The following NFKB1 variants were observed in gnomAD, a reference collection of about 807,000 sequenced individuals.
The protein encoded by NFKB1 is nuclear factor NF-kappa-B p105 subunit.
In NFKB1, 9 loss-of-function variants were observed where a neutral mutation model predicts 105.1. The ratio of observed to expected loss-of-function variants is 0.09; its 90% CI spans 0.05 to 0.15. The LOEUF is 0.15. NFKB1 is among the 10% of genes least tolerant of loss of function. The probability of loss-of-function intolerance (pLI) is 1.00; values close to 1 mark genes in which losing one functional copy is unlikely to be tolerated. For synonymous variants in NFKB1, 440 were observed against 442.2 expected (o/e 1.00, Z 0.06); for missense variants, 830 against 1,203.7 (o/e 0.69, Z 4.59).
rs1334440245 is a variant in NFKB1 at position 102,607,035 on chromosome 4, G to A, written c.1955-115G>A. On this transcript the variant is annotated intron_variant, in intron 17 of 23. Coordinates refer to ENST00000226574, the MANE Select transcript of NFKB1 (RefSeq NM_003998.4). ...TTCAAAGCAGAACAATAGACTTATA[G>A]TATCTTTACTGTCCCTCCCCATGAT... 6.0e-6 allele frequency: 6 copies of A among 1,003,036 alleles called. No homozygotes were observed. The African/African-American group carries it at 9.5e-5, about 16-fold the overall frequency. The allele number at this position is 1,003,036 out of a possible 1,614,324, so 62.1% of individuals were successfully genotyped here.
intron 1 of NFKB1, among the ~76,000 whole-genome samples, chr4:102,524,889 A>G (rs1409027992): frequency 6.6e-6 from 1 of 152,232 alleles, no homozygotes; most frequent in East Asian, 1.9e-4. Flanking sequence ...GATGGGGAGC[A>G]GCTGTATATA....
chr4:102,540,504 G>A (rs988915300), intron 5 of NFKB1, among the ~76,000 whole-genome samples: 2 of 152,130 alleles, frequency 1.3e-5, no homozygotes, highest in African/African-American at 4.8e-5. Flanking sequence ...AATAAAGCAG[G>A]TTCAACTACA....
At chr4:102,532,867 A>G (rs916118104) in intron 3 of NFKB1, among the ~76,000 whole-genome samples, 1 of 152,160 alleles carries the variant, frequency 6.6e-6, no homozygotes, top group African/African-American at 2.4e-5. Context: ...ATTTATTGCA[A>G]AGCTATGGAT....
intron 16 of NFKB1, among the ~76,000 whole-genome samples, chr4:102,603,543 C>T (rs563112320): frequency 6.6e-6 from 1 of 152,240 alleles, no homozygotes; most frequent in East Asian, 1.9e-4. Context: ...TTTCCCCTAC[C>T]TTACCACCAG....
At chr4:102,596,359 G>A (rs749247097) in intron 14 of NFKB1, 27 bp downstream of exon 14, 2 of 1,568,894 alleles carry the variant, frequency 1.3e-6, no homozygotes, top group Non-Finnish European at 1.7e-6. Context: ...ATTACGTTCT[G>A]TTGGTTGGCT....
chr4:102,591,107 G>A (rs780969999), intron 11 of NFKB1, among the ~76,000 whole-genome samples: 1 of 152,204 alleles, frequency 6.6e-6, no homozygotes, highest in Non-Finnish European at 1.5e-5. Context: ...AGTGCAAGGT[G>A]AAGCAACAAA....
chr4:102,508,810 T>C (rs1724480786), intron 1 of NFKB1, among the ~76,000 whole-genome samples: 1 of 152,156 alleles, frequency 6.6e-6, no homozygotes, highest in Non-Finnish European at 1.5e-5. Flanking sequence ...TCTATAAAAC[T>C]AAGACTTAAA....
intron 1 of NFKB1, among the ~76,000 whole-genome samples, chr4:102,515,909 T>C (rs576606265): frequency 6.6e-6 from 1 of 152,346 alleles, no homozygotes; most frequent in South Asian, 2.1e-4. Flanking sequence ...AACTTCTTTT[T>C]AGCATGTCTT....
intron 5 of NFKB1, among the ~76,000 whole-genome samples, chr4:102,565,427 T>C (rs1305752513): frequency 1.3e-5 from 2 of 152,194 alleles, no homozygotes; most frequent in Non-Finnish European, 2.9e-5. Context: ...ATGCCAACTC[T>C]GATCAGCTTT....
At chr4:102,547,224 C>T (rs1233177471) in intron 5 of NFKB1, among the ~76,000 whole-genome samples, 3 of 152,002 alleles carry the variant, frequency 2.0e-5, no homozygotes, top group African/African-American at 7.3e-5. Context: ...GAAAATAAAA[C>T]CAAGTCGAAT....
In NFKB1 at chr4:102,504,634, C is replaced by G. The variant is rs116121368; in HGVS notation, c.-8+2846C>G. Among the ~76,000 whole-genome samples the G allele has an allele frequency of 3.4e-3, 514 of 152,248 alleles. 4 individuals are homozygous for G. The highest frequency in any genetic ancestry group is 0.012 in the African/African-American group (504 of 41,566). ...TGGTAAACAGTAGACCATACTGGAG[C>G]AATTTACTCTGCTTTTTGGGAATTA... On this transcript the variant is annotated intron_variant, in intron 1 of 23. Transcript: ENST00000226574.
intron 4 of NFKB1, 141 bp downstream of exon 4, chr4:102,534,026 C>G (rs571519097): frequency 5.2e-5 from 37 of 706,274 alleles, no homozygotes; most frequent in African/African-American, 4.7e-4. Flanking sequence ...TATGTAACAG[C>G]TTTATTCATT....
In NFKB1 at chr4:102,510,789, T is replaced by G. The variant is rs990532967; in HGVS notation, c.-8+9001T>G. 7 of 254,712 alleles carry G rather than the reference T, an allele frequency of 2.7e-5. 1 individual carries two copies. The highest frequency in any genetic ancestry group is 1.1e-4 in the African/African-American group (5 of 44,556). 15.8% of individuals were successfully genotyped at this position (254,712 alleles called of 1,614,324 possible). A position where few individuals can be genotyped will look rare whatever the true frequency, so the allele number is the denominator to read the frequency against. ...GTTTAATATTTAAATGCTAGATTGATTCAAGGTCTCACTAATTATAACTAT... is the reference window on the plus strand; with the variant it reads ...GTTTAATATTTAAATGCTAGATTGAGTCAAGGTCTCACTAATTATAACTAT... On this transcript the variant is annotated intron_variant, in intron 1 of 23. Transcript: ENST00000226574.
At chr4:102,597,010 A>G (rs1726671227) in intron 14 of NFKB1, among the ~76,000 whole-genome samples, 1 of 152,146 alleles carries the variant, frequency 6.6e-6, no homozygotes, top group African/African-American at 2.4e-5. Context: ...TTTTGGCCCA[A>G]AGGTCACAAA....
intron 1 of NFKB1, among the ~76,000 whole-genome samples, chr4:102,515,694 CTGTTAT>C (rs1311951315): frequency 6.6e-6 from 1 of 152,082 alleles, no homozygotes; most frequent in Non-Finnish European, 1.5e-5. Flanking sequence ...TCCTTCTGTG[CTGTTAT>C]TGTTATACAT....
intron 1 of NFKB1, among the ~76,000 whole-genome samples, chr4:102,505,666 A>G (rs892879368): frequency 3.3e-5 from 5 of 152,198 alleles, no homozygotes; most frequent in African/African-American, 1.2e-4. Flanking sequence ...AGCTTTAGAA[A>G]AGAATTTATT....
chr4:102,562,728 C>T (rs970781435), intron 5 of NFKB1, among the ~76,000 whole-genome samples: 2 of 152,178 alleles, frequency 1.3e-5, no homozygotes, highest in Non-Finnish European at 2.9e-5. Flanking sequence ...TGGTAACAGT[C>T]GGTCTTGAGC....
At chr4:102,598,376 C>G (rs554043020) in intron 15 of NFKB1, among the ~76,000 whole-genome samples, 2 of 152,336 alleles carry the variant, frequency 1.3e-5, no homozygotes, top group South Asian at 4.1e-4. Context: ...ACATTCAAGT[C>G]AAGTGCCTTA....
In NFKB1 at chr4:102,612,515, C is replaced by A; in HGVS notation, c.2501C>A (p.Ala834Asp). The part of the protein sequence containing the change: ...LEIPDPDKNW[A>D]TLAQKLGLGI... ...ATTCCTGATCCAGACAAAAACTGGG[C>A]TACTCTGGCGCAGAAATTAGGTCTG... Residue 834 changes from alanine to aspartate, a missense_variant, in exon 22 of 24, where the codon GCT becomes GAT. Ala to Asp is a moderately radical substitution (Grantham distance 126). Around this residue, in one of 8 missense-constraint regions of NFKB1, gnomAD observed 418 missense variants for 575.3 expected, o/e 0.73. Transcript: ENST00000226574. 6.2e-7 allele frequency: 1 copy of A among 1,614,010 alleles called. No individual in the cohort carries two copies. Among genetic ancestry groups the A allele is most frequent in the Non-Finnish European group, 8.5e-7 (1 of 1,180,004 alleles).
Sources: allele counts gnomAD v4.1 joint callset (sites outside exome capture counted in the v4.1 genomes callset), GRCh38; gene constraint gnomAD v4.1.1; regional missense constraint gnomAD v4.1.1; transcripts MANE v1.5; gene names NCBI Gene and HGNC (gene_info 2026-07-23, HGNC 2026-07-21).